Variants in KIAA1671 observed in about 807,000 individuals in gnomAD.
The protein encoded by KIAA1671 is uncharacterized protein KIAA1671.
Under a neutral mutation model 131.2 loss-of-function variants are expected in KIAA1671, and 52 were observed. The ratio of observed to expected loss-of-function variants is 0.40; its 90% CI spans 0.32 to 0.50. KIAA1671 has a LOEUF of 0.50. Ranked by LOEUF, KIAA1671 falls within the 20% of genes least tolerant of loss-of-function variation. The pLI, the probability that KIAA1671 is intolerant of heterozygous loss-of-function variation, is 0.73. For missense variants in KIAA1671, 2,360 were observed against 2,364.2 expected, an observed-to-expected ratio of 1.00 and a Z score of 0.04; for synonymous variants, 1,003 against 961.6, an observed-to-expected ratio of 1.04 and a Z score of -0.80.
At chr22:25,049,639 G>A (rs370892465) in intron 6 of KIAA1671, 48 of 347,644 alleles carry the variant, frequency 1.4e-4, no homozygotes, top group East Asian at 1.4e-3. Flanking sequence ...ATAGACTGGT[G>A]TTGGAAAGTC....
chr22:25,073,818 C>T (rs544161129), intron 6 of KIAA1671, among the ~76,000 whole-genome samples: 6 of 152,162 alleles, frequency 3.9e-5, no homozygotes, highest in South Asian at 2.1e-4. Flanking sequence ...CTCAGCCTCC[C>T]GAGTCGCTGA....
chr22:25,137,781 T>C (rs1932738120), intron 6 of KIAA1671, among the ~76,000 whole-genome samples: 1 of 152,148 alleles, frequency 6.6e-6, no homozygotes, highest in South Asian at 2.1e-4. Flanking sequence ...TCTGGGAGAG[T>C]TTGTCCTCCT....
intron 6 of KIAA1671, among the ~76,000 whole-genome samples, chr22:25,113,921 C>T (rs1423336623): frequency 6.6e-6 from 1 of 152,172 alleles, no homozygotes; most frequent in Non-Finnish European, 1.5e-5. Context: ...CTCTGTCACT[C>T]CTGTTCTCTC....
chr22:25,039,712 A>T lies in KIAA1671; in HGVS notation c.2582A>T (p.His861Leu). Residue 861 changes from histidine (H) to leucine (L), a missense_variant, in exon 5 of 13, where the codon CAT becomes CTT. By Grantham distance (99) the His-to-Leu change is moderately conservative. Coordinates refer to ENST00000358431, the MANE Select transcript of KIAA1671 (RefSeq NM_001145206.2). ...AAGGCTGCCATCTGGGAAAGCCAGC[A>T]TGAGGGGCCAGAGGGGGCCAGAAGC... ...AIKAAIWESQ[H>L]EGPEGARSKP... 2 of 1,509,972 alleles carry T rather than the reference A, an allele frequency of 1.3e-6. No homozygotes were observed. The highest frequency in any genetic ancestry group is 1.8e-6 in the Non-Finnish European group (2 of 1,123,230). 93.5% of individuals were successfully genotyped at this position (1,509,972 alleles called of 1,614,324 possible).
chr22:25,187,189 A>G (rs1434741645), intron 11 of KIAA1671, among the ~76,000 whole-genome samples: 1 of 152,246 alleles, frequency 6.6e-6, no homozygotes, highest in Non-Finnish European at 1.5e-5. Context: ...CACGGGTCTC[A>G]GGAGCTTTCT....
At position 25,033,568 on chromosome 22, in the gene KIAA1671, G is replaced by A. The variant is rs370988905; in HGVS notation, c.1629+872G>A. ...TCTTAGTTGTTTTTTTGGTTGGTTT[G>A]TTTTCGTTTTTTTTTTTTTTTTTTT... is the stretch of plus-strand genomic sequence containing the variant. On this transcript the variant is annotated intron_variant, in intron 4 of 12. Transcript: ENST00000358431. Among the ~76,000 whole-genome samples the A allele has an allele frequency of 4.7e-3, 294 of 61,920 alleles. 2 individuals are homozygous for A. The highest frequency in any genetic ancestry group is 7.8e-3 in the Non-Finnish European group (243 of 30,994). The allele number at this position is 61,920 out of a possible 152,430, so 40.6% of individuals were successfully genotyped here.
intron 1 of KIAA1671, among the ~76,000 whole-genome samples, chr22:24,987,216 G>A (rs1923599745): frequency 6.7e-6 from 1 of 150,146 alleles, no homozygotes; most frequent in Non-Finnish European, 1.5e-5. Flanking sequence ...TGTTGCCCAG[G>A]CTAGAGTGTA....
intron 1 of KIAA1671, among the ~76,000 whole-genome samples, chr22:24,993,791 C>G (rs561043489): frequency 6.6e-6 from 1 of 152,178 alleles, no homozygotes; most frequent in East Asian, 1.9e-4. Flanking sequence ...AAAAATTCAG[C>G]AAGTGCAGCC....
At chr22:25,007,604 G>T (rs546952456) in intron 1 of KIAA1671, among the ~76,000 whole-genome samples, 2 of 152,228 alleles carry the variant, frequency 1.3e-5, no homozygotes, top group African/African-American at 4.8e-5. Flanking sequence ...CAGGGAAGAG[G>T]TGACAGACCC....
At chr22:25,179,461 G>C (rs1258656225) in intron 9 of KIAA1671, 1 of 1,613,170 alleles carries the variant, frequency 6.2e-7, no homozygotes, top group Non-Finnish European at 8.5e-7. Context: ...CCGCCTGGCG[G>C]CTGAAGTTGT....
Position 25,040,717 on chromosome 22 carries a change from C to G in KIAA1671, c.3587C>G (p.Ser1196Cys). Reference protein sequence around the residue: ...FPGKIRDGYRSSVLDIDALMA... With the variant: ...FPGKIRDGYRCSVLDIDALMA... Reference sequence around the variant, plus strand: ...GGTAAAATCAGAGATGGCTACAGATCCAGCGTTCTTGACATTGACGCCCTG... The same window carrying G: ...GGTAAAATCAGAGATGGCTACAGATGCAGCGTTCTTGACATTGACGCCCTG... The change falls in exon 5 of 13, where the codon TCC becomes TGC. Residue 1196 changes from serine (S) to cysteine (C), a missense_variant. Physicochemically the swap from Ser to Cys is moderately radical, Grantham distance 112. Around this residue, in one of 3 missense-constraint regions of KIAA1671, gnomAD observed 1,161 missense variants for 1,204.7 expected, o/e 0.96. Coordinates refer to ENST00000358431, the MANE Select transcript of KIAA1671 (RefSeq NM_001145206.2). 6.4e-7 allele frequency: 1 copy of G among 1,552,044 alleles called. No homozygotes were observed.
At chr22:25,058,954 C>T (rs1569218941) in intron 6 of KIAA1671, 1 of 152,330 alleles carries the variant, frequency 6.6e-6, no homozygotes, top group African/African-American at 2.4e-5. Context: ...CCTTCCCTGA[C>T]ACCACCTCTG....
chr22:25,182,182 A>AAAAAAAC (rs112613409), intron 10 of KIAA1671, among the ~76,000 whole-genome samples: 33,543 of 148,410 alleles, frequency 0.23, 6,473 homozygotes, highest in African/African-American at 0.53. Context: ...CCATCTCAAA[A>AAAAAAAC]AAAAAACAAA....
At chr22:25,005,346 TAAAAAAAAAA>T (rs569086369) in intron 1 of KIAA1671, among the ~76,000 whole-genome samples, 1 of 111,508 alleles carries the variant, frequency 9.0e-6, no homozygotes, top group Non-Finnish European at 1.8e-5. Flanking sequence ...AGACTCCATC[TAAAAAAAAAA>T]AAAAAAAAGA....
chr22:25,006,053 A>T (rs567384399), intron 1 of KIAA1671, among the ~76,000 whole-genome samples: 11 of 152,184 alleles, frequency 7.2e-5, no homozygotes, highest in South Asian at 2.1e-4. Context: ...CCTTTTTGAG[A>T]TGCAGTCTCA....
chr22:24,990,804 C>T (rs1569200045), intron 1 of KIAA1671, among the ~76,000 whole-genome samples: 1 of 152,126 alleles, frequency 6.6e-6, no homozygotes, highest in African/African-American at 2.4e-5. Context: ...CTTCCCTCCT[C>T]ATTTGTAGGA....
chr22:25,040,125 A>T lies in KIAA1671; in HGVS notation c.2995A>T (p.Thr999Ser). The T allele has an allele frequency of 6.4e-7, 1 of 1,551,680 alleles. No individual in the cohort carries two copies. The highest frequency in any genetic ancestry group is 1.2e-5 in the South Asian group (1 of 84,056). The change falls in exon 5 of 13, where the codon ACC becomes TCC. Residue 999 changes from threonine to serine, a missense_variant. Transcript: ENST00000358431. ...KPQLSHYRVE[T>S]QEVNPGASRD... ...TCAACTATCCCACTACAGGGTGGAG[A>T]CCCAGGAGGTGAACCCAGGTGCTTC... is the stretch of plus-strand genomic sequence containing the variant.
In KIAA1671 at chr22:25,087,629, C is replaced by T. The variant is rs1410568526; in HGVS notation, c.4530+38265C>T. ...CAAACAACAACAACAAAAACAACTG[C>T]GTCACCTTGTTGATTTTGCAGAGCA... On this transcript the variant is annotated intron_variant, in intron 6 of 12. Transcript: ENST00000358431. 3.9e-5 allele frequency among the ~76,000 whole-genome samples: 6 copies of T among 152,330 alleles called. No individual in the cohort carries two copies. In the East Asian group the frequency reaches 5.8e-4, roughly 15 times the overall value.
chr22:24,958,980 C>CAAAA (rs59084421), intron 1 of KIAA1671, among the ~76,000 whole-genome samples: 4 of 77,550 alleles, frequency 5.2e-5, no homozygotes, highest in Admixed American at 1.3e-4. Flanking sequence ...AACTTCGTAT[C>CAAAA]AAAAAAAAAA....
Sources: allele counts gnomAD v4.1 joint callset (sites outside exome capture counted in the v4.1 genomes callset), GRCh38; gene constraint gnomAD v4.1.1; regional missense constraint gnomAD v4.1.1; transcripts MANE v1.5; gene names NCBI Gene and HGNC (gene_info 2026-07-23, HGNC 2026-07-21).